The following SATB2 variants were observed in gnomAD, a reference collection of about 807,000 sequenced individuals.
SATB2 encodes the protein SATB homeobox 2, also known as DNA-binding protein SATB2.
Under a neutral mutation model 73.4 loss-of-function variants are expected in SATB2, and 1 was observed. That is an observed-to-expected ratio of 0.01 (90% CI 0.00 to 0.06). The LOEUF (loss-of-function observed/expected upper bound fraction) is 0.06. Ranked by LOEUF, SATB2 falls within the 10% of genes least tolerant of loss-of-function variation. The pLI is 1.00. For missense variants in SATB2, 459 were observed against 945.8 expected, an observed-to-expected ratio of 0.49 and a Z score of 6.75; for synonymous variants, 397 against 367.0, an observed-to-expected ratio of 1.08 and a Z score of -0.93.
intron 9 of SATB2, among the ~76,000 whole-genome samples, chr2:199,319,484 C>G (rs1687826600): frequency 6.6e-6 from 1 of 152,108 alleles, no homozygotes. Flanking sequence ...ACCAGGCCGT[C>G]TTTTTCCCCT....
At chr2:199,275,089 C>A (rs1692271696) in intron 10 of SATB2, among the ~76,000 whole-genome samples, 1 of 152,062 alleles carries the variant, frequency 6.6e-6, no homozygotes, top group South Asian at 2.1e-4. Flanking sequence ...TTAAAATGCC[C>A]CATTTTCTAA....
upstream of SATB2, among the ~76,000 whole-genome samples, chr2:199,466,351 A>G (rs972176188): frequency 6.6e-6 from 1 of 152,124 alleles, no homozygotes; most frequent in Non-Finnish European, 1.5e-5. Context: ...CTGCTTTCCC[A>G]GAGGATCACA....
At chr2:199,333,501 C>G (rs1688249567) in intron 7 of SATB2, among the ~76,000 whole-genome samples, 1 of 152,058 alleles carries the variant, frequency 6.6e-6, no homozygotes, top group South Asian at 2.1e-4. Context: ...GCGTGTGAAG[C>G]TGGGGAGTAT....
At chr2:199,454,376 C>T (rs1467173316) in intron 2 of SATB2, among the ~76,000 whole-genome samples, 2 of 152,112 alleles carry the variant, frequency 1.3e-5, no homozygotes, top group East Asian at 3.8e-4. Context: ...ATTTTCAGCA[C>T]TTAGCATATC....
intron 6 of SATB2, among the ~76,000 whole-genome samples, chr2:199,366,300 G>A (rs555209984): frequency 6.6e-6 from 1 of 151,816 alleles, no homozygotes; most frequent in African/African-American, 2.4e-5. Context: ...TTGAAAGCAG[G>A]GACACAACTC....
chr2:199,381,628 C>A, intron 4 of SATB2, 66 bp downstream of exon 4: 1 of 1,587,646 alleles, frequency 6.3e-7, no homozygotes. Flanking sequence ...CTGATCTTTG[C>A]AGTGAATCTA....
intron 10 of SATB2, among the ~76,000 whole-genome samples, chr2:199,297,871 T>C (rs1024795668): frequency 1.3e-5 from 2 of 152,006 alleles, no homozygotes; most frequent in African/African-American, 4.8e-5. Context: ...TACAGAAGGA[T>C]TTCATTCACA....
At chr2:199,293,660 C>T (rs1692939597) in intron 10 of SATB2, among the ~76,000 whole-genome samples, 1 of 152,166 alleles carries the variant, frequency 6.6e-6, no homozygotes, top group Non-Finnish European at 1.5e-5. Context: ...CCATGATATG[C>T]TATTACCCAT....
intron 3 of SATB2, among the ~76,000 whole-genome samples, chr2:199,383,314 A>G (rs1689831732): frequency 6.6e-6 from 1 of 152,188 alleles, no homozygotes; most frequent in African/African-American, 2.4e-5. Context: ...ATGACAATGA[A>G]AAGTGCACAG....
At chr2:199,458,527 G>C (rs1230000913), upstream of SATB2, 4 of 373,850 alleles carry the variant, frequency 1.1e-5, no homozygotes, top group African/African-American at 2.3e-5. Flanking sequence ...CCCAGGGTCT[G>C]GTCCTCCTCC....
In SATB2 at chr2:199,356,225, C is replaced by CAA. The variant is rs200509001; in HGVS notation, c.701-7054_701-7053dup. Among the ~76,000 whole-genome samples the CAA allele has an allele frequency of 5.7e-3, 571 of 100,532 alleles. 1 individual carries two copies. Among genetic ancestry groups the CAA allele is most frequent in the South Asian group, 0.023 (55 of 2,438 alleles). The allele number at this position is 100,532 out of a possible 152,430, so 66.0% of individuals were successfully genotyped here. ...AAACCCTGGGTAGAAGAACATAAGCCAAAAAAAAAAAAAAAAAAAAAAGAA... is the reference window on the plus strand; with the variant it reads ...AAACCCTGGGTAGAAGAACATAAGCCAAAAAAAAAAAAAAAAAAAAAAAAGAA... On this transcript the variant is annotated intron_variant, in intron 6 of 10. Coordinates refer to ENST00000417098, the MANE Select transcript of SATB2 (RefSeq NM_001172509.2).
chr2:199,295,247 A>G (rs1333962259), intron 10 of SATB2, among the ~76,000 whole-genome samples: 1 of 152,232 alleles, frequency 6.6e-6, no homozygotes, highest in Non-Finnish European at 1.5e-5. Context: ...TGTATTACCA[A>G]TCAGACAATC....
intron 10 of SATB2, among the ~76,000 whole-genome samples, chr2:199,279,425 G>A (rs1259407134): frequency 6.6e-6 from 1 of 152,332 alleles, no homozygotes; most frequent in South Asian, 2.1e-4. Context: ...CTGTAGGGAA[G>A]GAAGTGAGAT....
intron 3 of SATB2, 69 bp from the exon 4 acceptor site, chr2:199,381,889 A>C: frequency 1.9e-6 from 3 of 1,559,950 alleles, no homozygotes; most frequent in Non-Finnish European, 2.6e-6. Context: ...TGTTTGTTCA[A>C]TGTTAAGAAG....
At chr2:199,329,730 T>C (rs1227179016) in intron 7 of SATB2, among the ~76,000 whole-genome samples, 1 of 152,124 alleles carries the variant, frequency 6.6e-6, no homozygotes, top group African/African-American at 2.4e-5. Flanking sequence ...AGTCAGGGTT[T>C]TCATGTGCTC....
intron 3 of SATB2, among the ~76,000 whole-genome samples, chr2:199,388,085 G>A (rs529471769): frequency 1.7e-3 from 254 of 152,182 alleles, no homozygotes; most frequent in Non-Finnish European, 2.1e-3. Flanking sequence ...CATTATAGTC[G>A]ATCAATATTT....
At chr2:199,286,504 T>C (rs909961957) in intron 10 of SATB2, among the ~76,000 whole-genome samples, 1 of 151,684 alleles carries the variant, frequency 6.6e-6, no homozygotes, top group Admixed American at 6.6e-5. Context: ...ACAAACACAA[T>C]CCATGAGAAG....
intron 3 of SATB2, among the ~76,000 whole-genome samples, chr2:199,429,343 T>C (rs539631019): frequency 2.6e-5 from 4 of 152,352 alleles, no homozygotes; most frequent in South Asian, 2.1e-4. Flanking sequence ...ATTATTCTAA[T>C]ACATTGCCTT....
intron 9 of SATB2, among the ~76,000 whole-genome samples, chr2:199,318,955 C>T (rs1022408018): frequency 2.8e-4 from 43 of 151,632 alleles, no homozygotes; most frequent in Admixed American, 2.3e-3. Context: ...CATAAGTACA[C>T]TCTCACTTAG....
Sources: allele counts gnomAD v4.1 joint callset (sites outside exome capture counted in the v4.1 genomes callset), GRCh38; gene constraint gnomAD v4.1.1; transcripts MANE v1.5; gene names NCBI Gene and HGNC (gene_info 2026-07-23, HGNC 2026-07-21).